The following ADAM18 variants were observed in gnomAD, a reference collection of about 807,000 sequenced individuals.
The protein encoded by ADAM18 is disintegrin and metalloproteinase domain-containing protein 18.
In ADAM18, 117 loss-of-function variants were observed where a neutral mutation model predicts 94.4. The ratio of observed to expected loss-of-function variants is 1.24; its 90% CI spans 1.07 to 1.45. The LOEUF (loss-of-function observed/expected upper bound fraction) is 1.45. ADAM18 is among the 40% of genes most tolerant of loss of function. ADAM18 has a pLI of 0.00. For missense variants in ADAM18, 936 were observed against 880.0 expected, an observed-to-expected ratio of 1.06 and a Z score of -0.81; for synonymous variants, 327 against 291.6, an observed-to-expected ratio of 1.12 and a Z score of -1.24.
At chr8:39,630,260 AAC>A (rs1242530413) in intron 7 of ADAM18, among the ~76,000 whole-genome samples, 1 of 151,606 alleles carries the variant, frequency 6.6e-6, no homozygotes, top group Non-Finnish European at 1.5e-5. Context: ...CTAAATGCAA[AAC>A]ACAGACTAAT....
chr8:39,609,652 G>A, intron 5 of ADAM18, 91 bp downstream of exon 5: 1 of 839,680 alleles, frequency 1.2e-6, no homozygotes, highest in Non-Finnish European at 1.8e-6. Context: ...AATCATGGAA[G>A]TTTAAGGGAA....
chr8:39,683,487 G>C (rs904449106), intron 16 of ADAM18, among the ~76,000 whole-genome samples: 2 of 152,174 alleles, frequency 1.3e-5, no homozygotes, highest in Non-Finnish European at 2.9e-5. Context: ...GGTTCTATGA[G>C]AAACTGCTAG....
At chr8:39,651,461 G>A (rs548072589) in intron 12 of ADAM18, among the ~76,000 whole-genome samples, 6 of 152,302 alleles carry the variant, frequency 3.9e-5, no homozygotes, top group South Asian at 2.1e-4. Context: ...AGGTCCCTGC[G>A]GCCTTCCGCA....
At chr8:39,654,349 C>T (rs547367805) in intron 12 of ADAM18, among the ~76,000 whole-genome samples, 4 of 151,194 alleles carry the variant, frequency 2.6e-5, no homozygotes, top group South Asian at 2.1e-4. Context: ...GGATTACAGG[C>T]GTGAGCCGCC....
intron 2 of ADAM18, among the ~76,000 whole-genome samples, chr8:39,588,385 C>T (rs1177370752): frequency 7.9e-5 from 12 of 152,130 alleles, no homozygotes; most frequent in Admixed American, 7.9e-4. Context: ...GAAGTTTATT[C>T]AGGTCCTTTG....
chr8:39,601,785 A>G (rs1818912150), intron 2 of ADAM18, among the ~76,000 whole-genome samples: 1 of 152,206 alleles, frequency 6.6e-6, no homozygotes, highest in African/African-American at 2.4e-5. Context: ...ATTTTTTTAT[A>G]TTGGAAAACT....
At chr8:39,722,213 GTGTGTATATATATATA>G (rs1457554009) in intron 18 of ADAM18, among the ~76,000 whole-genome samples, 13 of 73,430 alleles carry the variant, frequency 1.8e-4, no homozygotes, top group African/African-American at 8.8e-4. Flanking sequence ...GTGTGTGTGT[GTGTGTATATATATATA>G]TATATATATA....
At chr8:39,707,909 T>C (rs1047935232) in intron 18 of ADAM18, among the ~76,000 whole-genome samples, 5 of 152,318 alleles carry the variant, frequency 3.3e-5, no homozygotes, top group Non-Finnish European at 7.3e-5. Flanking sequence ...ACCTCACTAA[T>C]CTTGCCCTTT....
intron 19 of ADAM18, among the ~76,000 whole-genome samples, chr8:39,724,636 G>A (rs1424266913): frequency 6.6e-6 from 1 of 151,462 alleles, no homozygotes; most frequent in Non-Finnish European, 1.5e-5. Flanking sequence ...TCTAGTAGTT[G>A]TAAGGCCAAT....
intron 12 of ADAM18, among the ~76,000 whole-genome samples, chr8:39,652,508 T>C (rs750742536): frequency 1.3e-5 from 2 of 152,144 alleles, no homozygotes; most frequent in Non-Finnish European, 2.9e-5. Flanking sequence ...ACCTCACACC[T>C]GTCAGAATAC....
chr8:39,671,955 TG>T (rs1435419048), intron 14 of ADAM18, among the ~76,000 whole-genome samples: 1 of 152,028 alleles, frequency 6.6e-6, no homozygotes, highest in South Asian at 2.1e-4. Flanking sequence ...CAACATGGGA[TG>T]GGGGGTATTT....
At chr8:39,659,823 A>G (rs1000706361) in intron 12 of ADAM18, among the ~76,000 whole-genome samples, 3 of 152,214 alleles carry the variant, frequency 2.0e-5, no homozygotes, top group African/African-American at 7.2e-5. Context: ...GCATTAGATC[A>G]TGCTGAAAAT....
chr8:39,668,594 CTG>C (rs567249131), intron 14 of ADAM18, among the ~76,000 whole-genome samples: 22 of 152,178 alleles, frequency 1.4e-4, no homozygotes, highest in African/African-American at 5.1e-4. Flanking sequence ...TATTTCCTAA[CTG>C]AGGAATAACT....
intron 10 of ADAM18, among the ~76,000 whole-genome samples, chr8:39,642,988 G>A: frequency 6.6e-6 from 1 of 151,968 alleles, no homozygotes; most frequent in Non-Finnish European, 1.5e-5. Flanking sequence ...GCTCCTTGTA[G>A]AGATCTTTCA....
chr8:39,658,042 G>A (rs1470696027), intron 12 of ADAM18, among the ~76,000 whole-genome samples: 2 of 152,096 alleles, frequency 1.3e-5, no homozygotes, highest in African/African-American at 4.8e-5. Flanking sequence ...AAAACACATA[G>A]GGAATTGTTT....
chr8:39,686,229 T>G (rs1448635370), intron 16 of ADAM18, among the ~76,000 whole-genome samples: 1 of 152,152 alleles, frequency 6.6e-6, no homozygotes. Flanking sequence ...ACATTCCACC[T>G]CTCGGTACCA....
At chr8:39,609,690 A>T in intron 5 of ADAM18, 129 bp downstream of exon 5, 1 of 596,342 alleles carries the variant, frequency 1.7e-6, no homozygotes, top group Non-Finnish European at 2.9e-6. Context: ...TCTTTCTAAC[A>T]GCTTTATTCT....
At chr8:39,721,027 A>T (rs1822728623) in intron 18 of ADAM18, among the ~76,000 whole-genome samples, 1 of 151,574 alleles carries the variant, frequency 6.6e-6, no homozygotes, top group Non-Finnish European at 1.5e-5. Flanking sequence ...AAGGTATAGT[A>T]TGCATCAATT....
At chr8:39,632,914 C>T (rs1223215237) in intron 7 of ADAM18, among the ~76,000 whole-genome samples, 1 of 152,026 alleles carries the variant, frequency 6.6e-6, no homozygotes, top group East Asian at 1.9e-4. Flanking sequence ...GAATGTGTCC[C>T]CTTCATAATT....
Sources: gnomAD v4.1 joint callset for allele counts (sites outside exome capture counted in the v4.1 genomes callset) on GRCh38, gnomAD v4.1.1 for gene constraint, MANE v1.5 for transcripts, NCBI Gene and HGNC (gene_info 2026-07-23, HGNC 2026-07-21) for gene names.